TDRD6: variants seen among roughly 807,000 people sequenced by gnomAD.
TDRD6 encodes tudor domain-containing protein 6.
TDRD6 carries 186 observed loss-of-function variants against 157.5 expected under a neutral mutation model. The observed-to-expected ratio is 1.18, with a 90% confidence interval of 1.05 to 1.33. TDRD6 has a LOEUF of 1.33. TDRD6 is among the 40% of genes most tolerant of loss of function. TDRD6 has a pLI of 0.00. For missense variants in TDRD6, 3,066 were observed against 2,508.0 expected (o/e 1.22, Z -4.75); for synonymous variants, 1,075 against 945.2 (o/e 1.14, Z -2.52).
intron 1 of TDRD6, among the ~76,000 whole-genome samples, chr6:46,694,941 A>T (rs562227378): frequency 6.6e-6 from 1 of 152,326 alleles, no homozygotes; most frequent in South Asian, 2.1e-4. Flanking sequence ...AAAGAAAAAA[A>T]ATAGATTTAG....
Position 46,698,073 on chromosome 6 carries a change from A to G in TDRD6, c.6247A>G (p.Lys2083Glu), listed in dbSNP as rs747166718. The G allele has an allele frequency of 2.5e-6, 4 of 1,606,078 alleles. No homozygotes were observed. The East Asian group carries it at 6.7e-5, about 27-fold the overall frequency. ...NVWNGIPKLD[K>E]SPPEKRGLEV... ...CTGGAATGGCATACCCAAATTGGATAAGAGTCCACCTGAGGTATGGAATTC... is the reference window on the plus strand; with the variant it reads ...CTGGAATGGCATACCCAAATTGGATGAGAGTCCACCTGAGGTATGGAATTC... Residue 2083 changes from lysine to glutamate, a missense_variant, in exon 3 of 4, where the codon AAG becomes GAG. By Grantham distance (56) the Lys-to-Glu change is moderately conservative (BLOSUM62 1). Transcript: ENST00000316081.
chr6:46,688,199 A>C lies in TDRD6; in HGVS notation c.71A>C (p.His24Pro). Residue 24 changes from histidine to proline, a missense_variant, in exon 1 of 4, where the codon CAT (histidine) becomes CCT (proline). Physicochemically the swap from His to Pro is moderately conservative, Grantham distance 77. Transcript: ENST00000316081. ...LALRVSFVDV[H>P]PDVIPVQLWG... ...CTGCGGGTGTCCTTCGTGGACGTGC[A>C]TCCCGATGTGATCCCGGTGCAGCTG... 6.5e-7 allele frequency: 1 copy of C among 1,547,420 alleles called. No homozygotes were observed. The highest frequency in any genetic ancestry group is 8.7e-7 in the Non-Finnish European group (1 of 1,152,872).
chr6:46,700,089 G>A (rs1397397693), intron 3 of TDRD6, among the ~76,000 whole-genome samples: 1 of 151,896 alleles, frequency 6.6e-6, no homozygotes, highest in Non-Finnish European at 1.5e-5. Flanking sequence ...TTTTACATTT[G>A]GGTTGTCTCC....
In TDRD6 at chr6:46,693,639, GC is replaced by G; in HGVS notation, c.5513del (p.Pro1838ArgfsTer12). The G allele has an allele frequency of 6.2e-7, 1 of 1,614,178 alleles. No individual in the cohort carries two copies. Among genetic ancestry groups the G allele is most frequent in the Non-Finnish European group, 8.5e-7 (1 of 1,180,044 alleles). ...TACTAGAACTGAATTCACTTGAGGT[GC>G]CGCTTTCTCCTGATGATGAATCAAA... Reference protein sequence around the residue: ...EILELNSLEVPLSPDDESKEF... With the variant: ...EILELNSLEVXLSPDDESKEF... On this transcript the variant is annotated frameshift_variant, in exon 1 of 4. Transcript: ENST00000316081. LOFTEE classifies it high-confidence loss of function.
chr6:46,690,085 G>C lies in TDRD6; in HGVS notation c.1957G>C (p.Glu653Gln), dbSNP rs148440516. Residue 653 changes from glutamate to glutamine, a missense_variant, in exon 1 of 4, where the codon GAA (glutamate) becomes CAA (glutamine). Transcript: ENST00000316081. ...GATTCTTGACGAATCAAGAACAGGG[G>C]AAGAAAACATTAGTAAGGTAATTGC... ...IEILDESRTG[E>Q]ENISKVIAQA... The C allele has an allele frequency of 3.7e-5, 60 of 1,613,860 alleles. No homozygotes were observed. Among genetic ancestry groups the C allele is most frequent in the Middle Eastern group, 1.6e-4 (1 of 6,082 alleles).
At position 46,693,416 on chromosome 6, in the gene TDRD6, C is replaced by G; in HGVS notation, c.5288C>G (p.Thr1763Ser). 1 of 1,613,968 alleles carries G rather than the reference C, an allele frequency of 6.2e-7. No homozygotes were observed. Among genetic ancestry groups the G allele is most frequent in the Non-Finnish European group, 8.5e-7 (1 of 1,180,000 alleles). ...ITEKDVNIIGTKPSNFRDPKT... is the reference protein window; with the variant it reads ...ITEKDVNIIGSKPSNFRDPKT... ...GAAAAAGATGTAAACATTATTGGAA[C>G]CAAACCAAGTAACTTCCGTGACCCT... is the stretch of plus-strand genomic sequence containing the variant. Residue 1763 changes from threonine (T) to serine (S), a missense_variant, in exon 1 of 4, where the codon ACC becomes AGC. Transcript: ENST00000316081.
At position 46,688,976 on chromosome 6, in the gene TDRD6, T is replaced by C; in HGVS notation, c.848T>C (p.Met283Thr). The C allele has an allele frequency of 6.2e-7, 1 of 1,613,416 alleles. No individual in the cohort carries two copies. Among genetic ancestry groups the C allele is most frequent in the Non-Finnish European group, 8.5e-7 (1 of 1,179,670 alleles). ...GAGATCCACCGCCTCTCCGAGAGCA[T>C]GGCCCAGGTATACCGGGGTTCCACG... ...SQEIHRLSES[M>T]AQVYRGSTGT... Residue 283 changes from methionine to threonine, a missense_variant, in exon 1 of 4, where the codon ATG (methionine) becomes ACG (threonine). Coordinates refer to ENST00000316081, the MANE Select transcript of TDRD6 (RefSeq NM_001010870.3).
In TDRD6 at chr6:46,688,802, C is replaced by A. The variant is rs749284279; in HGVS notation, c.674C>A (p.Pro225Gln). The change falls in exon 1 of 4, where the codon CCG (proline) becomes CAG (glutamine). Residue 225 changes from proline to glutamine, a missense_variant. Coordinates refer to ENST00000316081, the MANE Select transcript of TDRD6 (RefSeq NM_001010870.3). Reference protein sequence around the residue: ...AATASVGSGVPVLSRVPLKQK... With the variant: ...AATASVGSGVQVLSRVPLKQK... ...ACTGCTAGCGTGGGCTCCGGGGTCC[C>A]GGTTCTCTCGCGAGTCCCGCTCAAG... is the stretch of plus-strand genomic sequence containing the variant. 1.9e-6 allele frequency: 3 copies of A among 1,611,382 alleles called. No individual in the cohort carries two copies. The Admixed American group carries it at 5.0e-5, about 27-fold the overall frequency.
Position 46,694,080 on chromosome 6 carries a change from C to G in TDRD6, c.5952C>G (p.Asn1984Lys). The G allele has an allele frequency of 6.2e-7, 1 of 1,612,848 alleles. No individual in the cohort carries two copies. The highest frequency in any genetic ancestry group is 1.1e-5 in the South Asian group (1 of 90,776). Reference sequence around the variant, plus strand: ...AAGAAGAATTTGTAGAGTATAAAAACAGGGATGCCATTTCGGCATTGATGC... The same window carrying G: ...AAGAAGAATTTGTAGAGTATAAAAAGAGGGATGCCATTTCGGCATTGATGC... ...ICEEEFVEYK[N>K]RDAISALMPL... The change falls in exon 1 of 4, where the codon AAC becomes AAG. Residue 1984 changes from asparagine to lysine, a missense_variant. Physicochemically the swap from Asn to Lys is moderately conservative, Grantham distance 94. Coordinates refer to ENST00000316081, the MANE Select transcript of TDRD6 (RefSeq NM_001010870.3).
In TDRD6 at chr6:46,688,350, G is replaced by A. The variant is rs1471643463; in HGVS notation, c.222G>A (p.Leu74=). 35 of 1,531,752 alleles carry A rather than the reference G, an allele frequency of 2.3e-5. No homozygotes were observed. The highest frequency in any genetic ancestry group is 3.1e-5 in the Non-Finnish European group (35 of 1,143,770). 94.9% of individuals were successfully genotyped at this position (1,531,752 alleles called of 1,614,324 possible). Residue 74 remains leucine (L), a synonymous_variant, in exon 1 of 4, where the codon CTG becomes CTA. Transcript: ENST00000316081. ...CGGCCTCGCCCGGCGAGCTGTGCCT[G>A]GTGCAGGTCGGGCTTTTGTGGCACC... is the stretch of plus-strand genomic sequence containing the variant. ...SASASPGELC[L]VQVGLLWHRC...
chr6:46,693,756 G>A lies in TDRD6; in HGVS notation c.5628G>A (p.Val1876=), dbSNP rs370505706. ...AGCTAAGCCCGGTGCCACCGAATGT[G>A]CCACTCTCCCAAGAGTGTGTCACAA... ...KGELSPVPPN[V]PLSQECVTKG... The change falls in exon 1 of 4, where the codon GTG becomes GTA. Residue 1876 remains valine (V), a synonymous_variant. Coordinates refer to ENST00000316081, the MANE Select transcript of TDRD6 (RefSeq NM_001010870.3). 5.1e-5 allele frequency: 82 copies of A among 1,614,060 alleles called. No individual in the cohort carries two copies. The highest frequency in any genetic ancestry group is 6.9e-5 in the Non-Finnish European group (82 of 1,180,036).
At chr6:46,681,087 G>A in the TDRD6 span, among the ~76,000 whole-genome samples, 1 of 152,186 alleles carries the variant, frequency 6.6e-6, no homozygotes, top group South Asian at 2.1e-4. Flanking sequence ...CACTCTGAAG[G>A]TATCTGTTGA....
chr6:46,684,363 ATTTGTG>A (rs1037631092), upstream of TDRD6, among the ~76,000 whole-genome samples: 9 of 104,376 alleles, frequency 8.6e-5, no homozygotes, highest in African/African-American at 3.1e-4. Context: ...ATAAGCACAC[ATTTGTG>A]TGTGTGTGTG....
chr6:46,688,843 C>G lies in TDRD6; in HGVS notation c.715C>G (p.Leu239Val). 1 of 1,612,638 alleles carries G rather than the reference C, an allele frequency of 6.2e-7. No individual in the cohort carries two copies. The highest frequency in any genetic ancestry group is 1.1e-5 in the South Asian group (1 of 90,994). ...RVPLKQKQPG[L>V]DYFYPQLQLG... ...CCCGCTCAAGCAAAAGCAGCCTGGTCTGGATTACTTCTATCCCCAGCTGCA... is the reference window on the plus strand; with the variant it reads ...CCCGCTCAAGCAAAAGCAGCCTGGTGTGGATTACTTCTATCCCCAGCTGCA... Residue 239 changes from leucine to valine, a missense_variant, in exon 1 of 4, where the codon CTG (leucine) becomes GTG (valine). Leu to Val is a conservative substitution (Grantham distance 32, BLOSUM62 1). Coordinates refer to ENST00000316081, the MANE Select transcript of TDRD6 (RefSeq NM_001010870.3).
At chr6:46,700,884 A>C (rs1258273873) in intron 3 of TDRD6, 2 of 276,732 alleles carry the variant, frequency 7.2e-6, no homozygotes, top group African/African-American at 2.3e-5. Context: ...ATTTTGATAG[A>C]AATACATTTT....
At position 46,689,005 on chromosome 6, in the gene TDRD6, A is replaced by G. The variant is rs1439481653; in HGVS notation, c.877A>G (p.Thr293Ala). The G allele has an allele frequency of 6.2e-7, 1 of 1,613,572 alleles. No homozygotes were observed. Among genetic ancestry groups the G allele is most frequent in the South Asian group, 1.1e-5 (1 of 91,046 alleles). ...CCAGGTATACCGGGGTTCCACGGGGACAGGGGATGAGAACTCTACCAGTGC... is the reference window on the plus strand; with the variant it reads ...CCAGGTATACCGGGGTTCCACGGGGGCAGGGGATGAGAACTCTACCAGTGC... ...MAQVYRGSTG[T>A]GDENSTSATW... Residue 293 changes from threonine (T) to alanine (A), a missense_variant, in exon 1 of 4, where the codon ACA (threonine) becomes GCA (alanine). By Grantham distance (58) the Thr-to-Ala change is moderately conservative. Coordinates refer to ENST00000316081, the MANE Select transcript of TDRD6 (RefSeq NM_001010870.3).
chr6:46,691,834 G>T lies in TDRD6; in HGVS notation c.3706G>T (p.Val1236Phe), dbSNP rs756668418. The change falls in exon 1 of 4, where the codon GTC (valine) becomes TTC (phenylalanine). Residue 1236 changes from valine to phenylalanine, a missense_variant. By Grantham distance (50) the Val-to-Phe change is conservative (BLOSUM62 -1). Coordinates refer to ENST00000316081, the MANE Select transcript of TDRD6 (RefSeq NM_001010870.3). ...LLQSLTKTNL[V>F]TQYQDSVGNK... ...ACAAAGTTTAACAAAAACAAACTTAGTCACTCAATATCAAGACTCTGTGGG... is the reference window on the plus strand; with the variant it reads ...ACAAAGTTTAACAAAAACAAACTTATTCACTCAATATCAAGACTCTGTGGG... 2.5e-6 allele frequency: 4 copies of T among 1,603,850 alleles called. No homozygotes were observed. The highest frequency in any genetic ancestry group is 3.4e-6 in the Non-Finnish European group (4 of 1,177,594).
chr6:46,682,360 A>G, the TDRD6 span, among the ~76,000 whole-genome samples: 1 of 152,042 alleles, frequency 6.6e-6, no homozygotes, highest in Non-Finnish European at 1.5e-5. Flanking sequence ...TCATCTTGAT[A>G]AAAAGGATCT....
In TDRD6 at chr6:46,691,154, C is replaced by A. The variant is rs757071923; in HGVS notation, c.3026C>A (p.Ala1009Glu). Residue 1009 changes from alanine to glutamate, a missense_variant, in exon 1 of 4, where the codon GCA (alanine) becomes GAA (glutamate). Transcript: ENST00000316081. ...TTTTATTGCCAGCTGGCAAGAAATG[C>A]AAATATTTTAGAACAGTTGTCATGT... ...WTFYCQLARN[A>E]NILEQLSCSI... 9.3e-6 allele frequency: 15 copies of A among 1,613,616 alleles called. No individual in the cohort carries two copies. The East Asian group carries it at 3.3e-4, about 36-fold the overall frequency.
Sources: gnomAD v4.1 joint callset for allele counts (sites outside exome capture counted in the v4.1 genomes callset) on GRCh38, gnomAD v4.1.1 for gene constraint, MANE v1.5 for transcripts, NCBI Gene and HGNC (gene_info 2026-07-23, HGNC 2026-07-21) for gene names.